POLR1D: variants seen among roughly 807,000 people sequenced by gnomAD.
POLR1D encodes RNA polymerase I and III subunit D.
Under a neutral mutation model 10.8 loss-of-function variants are expected in POLR1D, and 8 were observed. The ratio of observed to expected loss-of-function variants is 0.74; its 90% CI spans 0.43 to 1.33. The LOEUF (loss-of-function observed/expected upper bound fraction) is 1.33. Ranked by LOEUF, POLR1D falls within the 40% of genes most tolerant of loss-of-function variation. The pLI is 0.01. For synonymous variants in POLR1D, 54 were observed against 57.2 expected (o/e 0.94, Z 0.25); for missense variants, 152 against 161.7 (o/e 0.94, Z 0.32).
chr13:27,646,428 G>C (rs1010926633), intron 1 of POLR1D, among the ~76,000 whole-genome samples: 3 of 152,204 alleles, frequency 2.0e-5, no homozygotes, highest in Middle Eastern at 3.2e-3. Flanking sequence ...TTATTCTAAA[G>C]AGCTGGAAGA....
At chr13:27,626,850 A>G (rs1386001631), downstream of POLR1D, among the ~76,000 whole-genome samples, 4 of 152,310 alleles carry the variant, frequency 2.6e-5, no homozygotes, top group African/African-American at 4.8e-5. Flanking sequence ...TGTAACATCT[A>G]AGTACTCTAA....
chr13:27,658,003 C>T (rs1290674775), intron 2 of POLR1D, among the ~76,000 whole-genome samples: 2 of 152,192 alleles, frequency 1.3e-5, no homozygotes, highest in Non-Finnish European at 2.9e-5. Flanking sequence ...TTCATCTGCT[C>T]GTTCTGGAAG....
chr13:27,656,336 A>G (rs566253320), intron 2 of POLR1D, among the ~76,000 whole-genome samples: 1 of 152,314 alleles, frequency 6.6e-6, no homozygotes, highest in African/African-American at 2.4e-5. Flanking sequence ...AGAAAACCAT[A>G]TCTGTGTGTG....
intron 1 of POLR1D, among the ~76,000 whole-genome samples, chr13:27,645,549 A>T (rs569747704): frequency 2.4e-4 from 36 of 152,276 alleles, no homozygotes; most frequent in African/African-American, 8.4e-4. Flanking sequence ...AGTACTTGGT[A>T]TACTTAAAGC....
chr13:27,641,873 A>G (rs1455150361), intron 1 of POLR1D, among the ~76,000 whole-genome samples: 1 of 152,140 alleles, frequency 6.6e-6, no homozygotes, highest in Non-Finnish European at 1.5e-5. Context: ...CAGCAAATGT[A>G]GTGTTGGCAG....
At chr13:27,640,585 A>C (rs1956164081) in intron 1 of POLR1D, among the ~76,000 whole-genome samples, 1 of 152,192 alleles carries the variant, frequency 6.6e-6, no homozygotes, top group African/African-American at 2.4e-5. Context: ...CTCATGATTT[A>C]ATACCGTACT....
intron 1 of POLR1D, among the ~76,000 whole-genome samples, chr13:27,630,575 A>T (rs955201849): frequency 5.9e-5 from 9 of 152,142 alleles, no homozygotes; most frequent in Non-Finnish European, 1.2e-4. Context: ...TTGGCTCCAC[A>T]CTTCCTATCT....
At chr13:27,646,476 G>A (rs1416356164) in intron 1 of POLR1D, among the ~76,000 whole-genome samples, 1 of 152,150 alleles carries the variant, frequency 6.6e-6, no homozygotes, top group Non-Finnish European at 1.5e-5. Flanking sequence ...TTACCTCTTT[G>A]TGATTCCATA....
chr13:27,630,350 A>G (rs1439032334), intron 1 of POLR1D, among the ~76,000 whole-genome samples: 1 of 152,188 alleles, frequency 6.6e-6, no homozygotes, highest in African/African-American at 2.4e-5. Context: ...TGCCCCCACC[A>G]ATTTTATTAA....
chr13:27,639,349 C>T (rs1640794129), intron 1 of POLR1D, among the ~76,000 whole-genome samples: 1 of 152,126 alleles, frequency 6.6e-6, no homozygotes, highest in South Asian at 2.1e-4. Context: ...TAACATTTGA[C>T]CTATCAACAG....
chr13:27,626,659 A>G (rs1217527989), downstream of POLR1D, among the ~76,000 whole-genome samples: 2 of 152,226 alleles, frequency 1.3e-5, no homozygotes, highest in African/African-American at 2.4e-5. Context: ...CATTCTAAAT[A>G]AACTCATGCC....
In POLR1D at chr13:27,622,987, G is replaced by A. The variant is rs767196650; in HGVS notation, c.139G>A (p.Glu47Lys). 6.2e-7 allele frequency: 1 copy of A among 1,614,134 alleles called. No homozygotes were observed. The highest frequency in any genetic ancestry group is 8.5e-7 in the Non-Finnish European group (1 of 1,179,986). The change falls in exon 2 of 2, where the codon GAA becomes AAA. Residue 47 changes from glutamate (E) to lysine (K), a missense_variant. By Grantham distance (56) the Glu-to-Lys change is moderately conservative. Transcript: ENST00000302979. The stretch of plus-strand genomic sequence containing the variant: ...CTGTGTGACATTTGTATTGCACGAG[G>A]AAGACCATACCCTAGGAAATTCTCT... Reference protein sequence around the residue: ...RHCVTFVLHEEDHTLGNSLRY... With the variant: ...RHCVTFVLHEKDHTLGNSLRY...
chr13:27,649,415 ATCT>A (rs1418513775), intron 2 of POLR1D, among the ~76,000 whole-genome samples: 12 of 152,206 alleles, frequency 7.9e-5, no homozygotes, highest in African/African-American at 2.9e-4. Context: ...ATTTCAGGTG[ATCT>A]GGAATTTGAC....
At chr13:27,657,148 A>G (rs568728109) in intron 2 of POLR1D, among the ~76,000 whole-genome samples, 2 of 152,334 alleles carry the variant, frequency 1.3e-5, no homozygotes, top group East Asian at 3.9e-4. Context: ...GGGCTCTGTT[A>G]CAGTAATATA....
At chr13:27,632,008 G>A (rs1270804476) in intron 1 of POLR1D, among the ~76,000 whole-genome samples, 1 of 152,170 alleles carries the variant, frequency 6.6e-6, no homozygotes, top group Non-Finnish European at 1.5e-5. Flanking sequence ...CTGAGGGGAG[G>A]CAGGAGTAAG....
chr13:27,662,057 A>ACTT (rs1491488170), intron 2 of POLR1D, among the ~76,000 whole-genome samples: 1 of 152,208 alleles, frequency 6.6e-6, no homozygotes, highest in East Asian at 1.9e-4. Flanking sequence ...AAAATGTCTC[A>ACTT]TTAACTTTTA....
At chr13:27,620,767 C>T (rs879657625), upstream of POLR1D, 89 of 153,128 alleles carry the variant, frequency 5.8e-4, no homozygotes, top group Non-Finnish European at 9.2e-4. Flanking sequence ...GCCCGCCTCC[C>T]CCACTCGCCC....
chr13:27,647,857 A>G (rs1466164761), intron 1 of POLR1D, among the ~76,000 whole-genome samples: 1 of 152,186 alleles, frequency 6.6e-6, no homozygotes, highest in African/African-American at 2.4e-5. Context: ...ATCAACTGGT[A>G]TATACTATTC....
intron 2 of POLR1D, chr13:27,665,681 C>G: frequency 3.7e-6 from 6 of 1,613,454 alleles, no homozygotes; most frequent in Non-Finnish European, 5.1e-6. Context: ...TCCTCCCCAC[C>G]CCAGGATGAA....
Sources: gnomAD v4.1 joint callset for allele counts (sites outside exome capture counted in the v4.1 genomes callset) on GRCh38, gnomAD v4.1.1 for gene constraint, MANE v1.5 for transcripts, NCBI Gene and HGNC (gene_info 2026-07-23, HGNC 2026-07-21) for gene names.